The following ANXA7 variants were observed in gnomAD, a reference collection of about 807,000 sequenced individuals.
The protein encoded by ANXA7 is annexin VII.
Under a neutral mutation model 64.9 loss-of-function variants are expected in ANXA7, and 55 were observed. The ratio of observed to expected loss-of-function variants is 0.85; its 90% confidence interval spans 0.68 to 1.06. The LOEUF is 1.06. Among genes scored for constraint, ANXA7 ranks in the 50% least tolerant of loss-of-function variants. The pLI is 0.00. For missense variants in ANXA7, 548 were observed against 582.1 expected, an observed-to-expected ratio of 0.94 and a Z score of 0.60; for synonymous variants, 200 against 192.4, an observed-to-expected ratio of 1.04 and a Z score of -0.33.
chr10:73,407,168 C>T (rs2055770665), intron 1 of ANXA7, among the ~76,000 whole-genome samples: 1 of 152,206 alleles, frequency 6.6e-6, no homozygotes, highest in Non-Finnish European at 1.5e-5. Flanking sequence ...CCTCCACCTC[C>T]TGGGTTCAAG....
chr10:73,390,723 A>AAT (rs1178271224), intron 5 of ANXA7, among the ~76,000 whole-genome samples: 5 of 113,512 alleles, frequency 4.4e-5, no homozygotes, highest in Admixed American at 4.2e-4. Flanking sequence ...TATATATAAA[A>AAT]ATATATATAT....
chr10:73,386,230 A>C (rs2055367579), intron 7 of ANXA7, among the ~76,000 whole-genome samples: 1 of 152,028 alleles, frequency 6.6e-6, no homozygotes, highest in African/African-American at 2.4e-5. Context: ...AAAAAAAAAA[A>C]AAAGCAAAGC....
At chr10:73,377,930 T>TGTGTGTGTGTGTGTGCGCGC (rs542289005) in intron 12 of ANXA7, among the ~76,000 whole-genome samples, 4 of 142,498 alleles carry the variant, frequency 2.8e-5, no homozygotes, top group African/African-American at 1.1e-4. Flanking sequence ...TGTGTGTGTG[T>TGTGTGTGTGTGTGTGCGCGC]GCGCGCGCGT....
At chr10:73,385,762 T>C (rs1229827007) in intron 7 of ANXA7, among the ~76,000 whole-genome samples, 2 of 151,674 alleles carry the variant, frequency 1.3e-5, no homozygotes, top group African/African-American at 2.4e-5. Flanking sequence ...CTTAAGGAGA[T>C]CTAGGGTTTG....
Position 73,388,358 on chromosome 10 carries a change from A to G in ANXA7, c.492T>C (p.Asp164=), listed in dbSNP as rs2234965. ...GAAGAATTTCTGCATCTCTTATAGC[A>G]TCGAAGTTGGCAGCTGGTCGGATAG... ...QGTIRPAANF[D]AIRDAEILRK... The change falls in exon 6 of 13, where the codon GAT becomes GAC. Residue 164 remains aspartate (D), a synonymous_variant. Coordinates refer to ENST00000372921, the MANE Select transcript of ANXA7 (RefSeq NM_001156.5). The G allele has an allele frequency of 0.083, 133,337 of 1,613,460 alleles. 8,292 individuals carry two copies. The highest frequency in any genetic ancestry group is 0.29 in the East Asian group (12,862 of 44,850).
At chr10:73,399,708 C>A (rs1325123054) in intron 2 of ANXA7, among the ~76,000 whole-genome samples, 1 of 152,154 alleles carries the variant, frequency 6.6e-6, no homozygotes. Context: ...GTAATCCCAG[C>A]TACTCAGGAG....
At chr10:73,377,763 GGTGGGTGTGGGTGTGTGTGTGTGT>G (rs1564519355) in intron 12 of ANXA7, among the ~76,000 whole-genome samples, 1 of 140,316 alleles carries the variant, frequency 7.1e-6, no homozygotes, top group African/African-American at 3.0e-5. Flanking sequence ...CATGCCGGGG[GGTGGGTGTGGGTGTGTGTGTGTGT>G]GTGTGTGTGT....
intron 1 of ANXA7, among the ~76,000 whole-genome samples, chr10:73,411,242 A>G (rs2055832958): frequency 6.6e-6 from 1 of 152,192 alleles, no homozygotes; most frequent in African/African-American, 2.4e-5. Flanking sequence ...AAGCTAAGCT[A>G]TGAGTATGCA....
intron 12 of ANXA7, among the ~76,000 whole-genome samples, chr10:73,376,647 A>G (rs540594587): frequency 1.5e-4 from 23 of 152,258 alleles, no homozygotes; most frequent in Admixed American, 2.0e-4. Flanking sequence ...AAGAATTACA[A>G]TATGACCTAG....
At chr10:73,390,517 T>C (rs1201533655) in intron 5 of ANXA7, among the ~76,000 whole-genome samples, 1 of 151,918 alleles carries the variant, frequency 6.6e-6, no homozygotes, top group Non-Finnish European at 1.5e-5. Context: ...TAGTCGAGTA[T>C]AAAAAAATTT....
Position 73,398,236 on chromosome 10 carries a change from G to A in ANXA7, c.204C>T (p.Ala68=). The change falls in exon 3 of 13, where the codon GCC becomes GCT. Residue 68 remains alanine (A), a synonymous_variant. Transcript: ENST00000372921. ...GGYPAPGGYP[A]PGGYPGAPQP... ...GTGGGGCACCAGGATAGCCTCCAGG[G>A]GCTGGATAACCTCCAGGCGCAGGGT... 1 of 1,614,044 alleles carries A rather than the reference G, an allele frequency of 6.2e-7. No homozygotes were observed. Among genetic ancestry groups the A allele is most frequent in the Non-Finnish European group, 8.5e-7 (1 of 1,179,996 alleles).
rs1303661239 is a variant in ANXA7 at position 73,387,800 on chromosome 10, T to C, written c.539-17A>G. ...CATCTGTCCCTGGAAGAACCACACA[T>C]GTTTAAGTAAGGACAAAGTACATGC... is the stretch of plus-strand genomic sequence containing the variant. On this transcript the variant is annotated splice_polypyrimidine_tract_variant and intron_variant, in intron 6 of 12. Coordinates refer to ENST00000372921, the MANE Select transcript of ANXA7 (RefSeq NM_001156.5). The C allele has an allele frequency of 6.2e-7, 1 of 1,601,056 alleles. No homozygotes were observed. The highest frequency in any genetic ancestry group is 1.3e-5 in the African/African-American group (1 of 74,420).
intron 1 of ANXA7, among the ~76,000 whole-genome samples, 198 bp downstream of exon 1, chr10:73,413,814 C>T (rs545802522): frequency 3.9e-5 from 6 of 152,326 alleles, no homozygotes; most frequent in Admixed American, 1.3e-4. Flanking sequence ...GGCCGGCCGC[C>T]TCACCCACGC....
chr10:73,392,326 C>T (rs974210099), intron 5 of ANXA7, among the ~76,000 whole-genome samples: 4 of 152,072 alleles, frequency 2.6e-5, no homozygotes, highest in African/African-American at 9.7e-5. Flanking sequence ...TAGAAAGAGG[C>T]GGAATCCTCA....
intron 7 of ANXA7, among the ~76,000 whole-genome samples, chr10:73,386,835 T>C (rs1015905683): frequency 6.6e-6 from 1 of 152,106 alleles, no homozygotes; most frequent in African/African-American, 2.4e-5. Flanking sequence ...GCCCAGCTAA[T>C]ATAATTTGTT....
At position 73,376,319 on chromosome 10, in the gene ANXA7, G is replaced by C. The variant is rs193180643; in HGVS notation, c.1279-102C>G. The C allele has an allele frequency of 3.2e-4, 378 of 1,182,086 alleles. 2 individuals are homozygous for C. In the Middle Eastern group the frequency reaches 4.1e-3, roughly 13 times the overall value. The allele number at this position is 1,182,086 out of a possible 1,614,324, so 73.2% of individuals were successfully genotyped here. A position where few individuals can be genotyped will look rare whatever the true frequency, so the allele number is the denominator to read the frequency against. ...AGATCTTAATAATAATCAAAACTTG[G>C]GGGGGAAAACACCAAGTGACTGACA... On this transcript the variant is annotated intron_variant, in intron 12 of 12. Coordinates refer to ENST00000372921, the MANE Select transcript of ANXA7 (RefSeq NM_001156.5).
At chr10:73,383,405 T>C (rs1439071258) in intron 8 of ANXA7, 60 bp from the exon 9 acceptor site, 3 of 1,487,352 alleles carry the variant, frequency 2.0e-6, no homozygotes, top group Non-Finnish European at 9.1e-7. Context: ...AGTAATTAAA[T>C]CTTCGTCAAA....
intron 5 of ANXA7, 141 bp from the exon 6 acceptor site, chr10:73,388,555 C>A: frequency 1.6e-6 from 1 of 620,924 alleles, no homozygotes; most frequent in South Asian, 2.1e-5. Flanking sequence ...CATTTTATTA[C>A]CAGAGCTCAT....
chr10:73,406,768 G>A (rs2055764052), intron 1 of ANXA7, among the ~76,000 whole-genome samples: 1 of 151,832 alleles, frequency 6.6e-6, no homozygotes, highest in East Asian at 1.9e-4. Context: ...ACGGGGTTTC[G>A]CCATGCTGCC....
Sources: allele counts gnomAD v4.1 joint callset (sites outside exome capture counted in the v4.1 genomes callset), GRCh38; gene constraint gnomAD v4.1.1; transcripts MANE v1.5; gene names NCBI Gene and HGNC (gene_info 2026-07-23, HGNC 2026-07-21).